Variants in GREB1L observed in about 807,000 individuals in gnomAD.
The protein encoded by GREB1L is GREB1 like retinoic acid receptor coactivator.
A neutral mutation model predicts 200.8 loss-of-function variants in GREB1L; 17 were observed. The observed-to-expected ratio is 0.08, with a 90% CI of 0.06 to 0.13. The LOEUF is 0.13. Among genes scored for constraint, GREB1L ranks in the 10% least tolerant of loss-of-function variants. GREB1L has a pLI of 1.00. For missense variants in GREB1L, 1,657 were observed against 2,367.7 expected (o/e 0.70, Z 6.23); for synonymous variants, 789 against 893.0 (o/e 0.88, Z 2.08).
chr18:21,444,796 A>G (rs2034115462), intron 11 of GREB1L, among the ~76,000 whole-genome samples: 1 of 152,196 alleles, frequency 6.6e-6, no homozygotes, highest in African/African-American at 2.4e-5. Context: ...AAACACAGCC[A>G]TTGTCTTAAA....
chr18:21,426,117 C>G (rs1380184323), intron 7 of GREB1L, among the ~76,000 whole-genome samples: 2 of 148,578 alleles, frequency 1.3e-5, no homozygotes, highest in Non-Finnish European at 3.0e-5. Flanking sequence ...AGTGCAGTGG[C>G]TCGATCTCGG....
intron 7 of GREB1L, among the ~76,000 whole-genome samples, chr18:21,428,950 T>G (rs2032892890): frequency 6.6e-6 from 1 of 152,038 alleles, no homozygotes; most frequent in Non-Finnish European, 1.5e-5. Context: ...ACTCCTGACC[T>G]CAAGTGATCC....
chr18:21,449,857 T>A (rs1454219969), intron 12 of GREB1L, 21 bp downstream of exon 12: 3 of 1,468,488 alleles, frequency 2.0e-6, no homozygotes, highest in Admixed American at 5.0e-5. Context: ...TTTTTGTTTT[T>A]TGTTTGTTTA....
intron 7 of GREB1L, among the ~76,000 whole-genome samples, chr18:21,430,633 G>A (rs1366447789): frequency 1.0e-5 from 1 of 96,592 alleles, no homozygotes; most frequent in Non-Finnish European, 1.9e-5. Flanking sequence ...TTTCGCTCTT[G>A]TTGCCCAGGC....
At chr18:21,282,914 A>G (rs2038294092) in intron 1 of GREB1L, among the ~76,000 whole-genome samples, 1 of 152,186 alleles carries the variant, frequency 6.6e-6, no homozygotes, top group East Asian at 1.9e-4. Context: ...ATTACTTTTA[A>G]TGGCAACCTA....
intron 2 of GREB1L, among the ~76,000 whole-genome samples, chr18:21,376,812 C>CAAAAA (rs534144361): frequency 3.7e-4 from 22 of 59,524 alleles, no homozygotes; most frequent in South Asian, 7.1e-4. Flanking sequence ...GAGTCCGTCT[C>CAAAAA]AAAAAAAAAA....
At chr18:21,520,658 GCCCATGCT>G in intron 31 of GREB1L, 22 bp from the exon 32 acceptor site, 1 of 1,551,064 alleles carries the variant, frequency 6.4e-7, no homozygotes. Context: ...CTCTTGAAAT[GCCCATGCT>G]ATTTTTGCTT....
intron 1 of GREB1L, among the ~76,000 whole-genome samples, chr18:21,315,382 C>T (rs189180307): frequency 2.6e-5 from 4 of 152,302 alleles, no homozygotes; most frequent in African/African-American, 4.8e-5. Context: ...TGAGCTACCA[C>T]GCCCAGCTTA....
chr18:21,300,671 G>C (rs907537740), intron 1 of GREB1L, among the ~76,000 whole-genome samples: 6 of 152,174 alleles, frequency 3.9e-5, no homozygotes, highest in Non-Finnish European at 7.3e-5. Context: ...CCATCTGGGT[G>C]GCAGGTTTTA....
chr18:21,517,311 C>T (rs908320028), intron 30 of GREB1L, among the ~76,000 whole-genome samples: 9 of 152,134 alleles, frequency 5.9e-5, no homozygotes, highest in Admixed American at 5.9e-4. Context: ...TGGATTTAAG[C>T]CTTAACACAT....
chr18:21,503,584 T>C (rs966100101), intron 23 of GREB1L, among the ~76,000 whole-genome samples: 2 of 144,540 alleles, frequency 1.4e-5, no homozygotes, highest in African/African-American at 5.2e-5. Context: ...ATTATTATTA[T>C]TATTATTTTT....
chr18:21,483,070 T>C (rs548191808), intron 17 of GREB1L, among the ~76,000 whole-genome samples: 1 of 152,328 alleles, frequency 6.6e-6, no homozygotes, highest in East Asian at 1.9e-4. Flanking sequence ...TAATTTTTAG[T>C]AGCTCTAGTT....
Position 21,523,812 on chromosome 18 carries a change from A to G in GREB1L, c.*991A>G, listed in dbSNP as rs1363936058. On this transcript the variant is annotated 3_prime_UTR_variant, in exon 33 of 33. Coordinates refer to ENST00000424526, the MANE Select transcript of GREB1L (RefSeq NM_001142966.3). ...TACCACCTTACACTGACAACGCCAC[A>G]GAAATTGCCGAATTGGGAAATTGAG... 6.6e-6 allele frequency: 1 copy of G among 152,228 alleles called. No homozygotes were observed. The highest frequency in any genetic ancestry group is 1.5e-5 in the Non-Finnish European group (1 of 68,040). The allele number at this position is 152,228 out of a possible 1,614,324, so 9.4% of individuals were successfully genotyped here.
In GREB1L at chr18:21,482,718, A is replaced by G. The variant is rs573446778; in HGVS notation, c.2557-2902A>G. ...TGTGGTTAGAATCATGGAAGAAAAT[A>G]ACAAAGAACTGCCAAGAGGGTAGTG... On this transcript the variant is annotated intron_variant, in intron 17 of 32. Coordinates refer to ENST00000424526, the MANE Select transcript of GREB1L (RefSeq NM_001142966.3). Among the ~76,000 whole-genome samples the G allele has an allele frequency of 5.3e-5, 8 of 151,586 alleles. No homozygotes were observed. In the East Asian group the frequency reaches 1.6e-3, roughly 29 times the overall value.
chr18:21,249,303 T>A (rs2037660369), intron 1 of GREB1L, among the ~76,000 whole-genome samples: 1 of 152,176 alleles, frequency 6.6e-6, no homozygotes, highest in South Asian at 2.1e-4. Context: ...CAGAGGCACT[T>A]GAGAACTCTC....
At chr18:21,245,932 G>C (rs1261747052) in intron 1 of GREB1L, among the ~76,000 whole-genome samples, 2 of 152,010 alleles carry the variant, frequency 1.3e-5, no homozygotes, top group Admixed American at 6.6e-5. Context: ...TTGCAGGATG[G>C]TCTCGATCTC....
chr18:21,243,475 G>A (rs547955460), intron 1 of GREB1L, among the ~76,000 whole-genome samples: 5 of 152,302 alleles, frequency 3.3e-5, no homozygotes, highest in South Asian at 2.1e-4. Flanking sequence ...TTTTCACACC[G>A]TAAGGTGTTT....
At chr18:21,282,137 G>T (rs1461230754) in intron 1 of GREB1L, among the ~76,000 whole-genome samples, 1 of 152,056 alleles carries the variant, frequency 6.6e-6, no homozygotes, top group Non-Finnish European at 1.5e-5. Flanking sequence ...GAAGCCAGGG[G>T]TGGTGGCATG....
chr18:21,361,519 A>G (rs1285093904), intron 1 of GREB1L, among the ~76,000 whole-genome samples: 1 of 152,192 alleles, frequency 6.6e-6, no homozygotes, highest in Non-Finnish European at 1.5e-5. Context: ...AGCTCTGTCC[A>G]GAGGCCAAAT....
Sources: allele counts gnomAD v4.1 joint callset (sites outside exome capture counted in the v4.1 genomes callset), GRCh38; gene constraint gnomAD v4.1.1; transcripts MANE v1.5; gene names NCBI Gene and HGNC (gene_info 2026-07-23, HGNC 2026-07-21).